The following SYN3 variants were observed in gnomAD, a reference collection of about 807,000 sequenced individuals.
The protein encoded by SYN3 is synapsin-3.
Under a neutral mutation model 65.8 loss-of-function variants are expected in SYN3, and 35 were observed. The observed-to-expected ratio is 0.53, with a 90% CI of 0.41 to 0.70. The LOEUF is 0.70. Among genes scored for constraint, SYN3 ranks in the 30% least tolerant of loss-of-function variants. The probability of loss-of-function intolerance (pLI) is 0.00; values close to 1 mark genes in which losing one functional copy is unlikely to be tolerated. For synonymous variants in SYN3, 270 were observed against 292.9 expected (o/e 0.92, Z 0.80); for missense variants, 680 against 749.0 (o/e 0.91, Z 1.08).
At chr22:33,020,774 G>A (rs762217285) in intron 1 of SYN3, among the ~76,000 whole-genome samples, 1 of 148,716 alleles carries the variant, frequency 6.7e-6, no homozygotes, top group African/African-American at 2.6e-5. Flanking sequence ...CTGGACACAG[G>A]TAGACAGAGG....
At chr22:32,706,601 GA>G (rs1326491366) in intron 6 of SYN3, among the ~76,000 whole-genome samples, 1 of 152,212 alleles carries the variant, frequency 6.6e-6, no homozygotes, top group Non-Finnish European at 1.5e-5. Flanking sequence ...CCAAGGTGTA[GA>G]AAAAGGGAGA....
intron 6 of SYN3, among the ~76,000 whole-genome samples, chr22:32,679,273 G>A (rs1001442426): frequency 2.0e-5 from 3 of 151,932 alleles, no homozygotes; most frequent in Admixed American, 1.3e-4. Flanking sequence ...GGATGGTCTC[G>A]ATCTCTTGAC....
At chr22:33,028,596 C>T (rs1227709576) in intron 1 of SYN3, among the ~76,000 whole-genome samples, 1 of 134,618 alleles carries the variant, frequency 7.4e-6, no homozygotes, top group African/African-American at 2.7e-5. Flanking sequence ...GATTAAGCAG[C>T]AAGGAGGGGC....
At chr22:32,730,550 T>A (rs1358449176) in intron 6 of SYN3, among the ~76,000 whole-genome samples, 3 of 152,314 alleles carry the variant, frequency 2.0e-5, no homozygotes, top group East Asian at 3.9e-4. Flanking sequence ...GGTCTAAGTG[T>A]TACTTAAGGT....
intron 1 of SYN3, among the ~76,000 whole-genome samples, chr22:33,025,358 G>A (rs559063237): frequency 6.6e-6 from 1 of 151,278 alleles, no homozygotes; most frequent in South Asian, 2.1e-4. Context: ...GGAGGCTGAG[G>A]CAGAAGAATC....
chr22:32,881,713 T>C (rs974495173), intron 4 of SYN3, among the ~76,000 whole-genome samples: 2 of 152,270 alleles, frequency 1.3e-5, no homozygotes, highest in East Asian at 1.9e-4. Context: ...GCTTTCTTTA[T>C]TTTATCCATT....
chr22:32,734,766 A>G (rs1000206415), intron 6 of SYN3, among the ~76,000 whole-genome samples: 6 of 152,120 alleles, frequency 3.9e-5, no homozygotes, highest in Non-Finnish European at 7.4e-5. Context: ...CTTGGGCTAA[A>G]TCCTCATGGA....
chr22:32,895,367 T>C (rs1316848923), intron 4 of SYN3, among the ~76,000 whole-genome samples: 1 of 152,244 alleles, frequency 6.6e-6, no homozygotes, highest in African/African-American at 2.4e-5. Flanking sequence ...AGCCAATTCC[T>C]TATAGTAAAT....
At chr22:32,962,991 G>GTATGTA (rs1257529441) in intron 3 of SYN3, among the ~76,000 whole-genome samples, 3 of 150,012 alleles carry the variant, frequency 2.0e-5, no homozygotes, top group Non-Finnish European at 4.4e-5. Context: ...ATTTGTATAT[G>GTATGTA]TATGTATATG....
intron 3 of SYN3, among the ~76,000 whole-genome samples, chr22:32,977,589 C>A (rs1030293191): frequency 2.0e-5 from 3 of 151,878 alleles, no homozygotes; most frequent in Admixed American, 6.6e-5. Context: ...ACTAAAAATA[C>A]AAAAATTATC....
At chr22:32,749,072 T>G (rs984117591) in intron 6 of SYN3, among the ~76,000 whole-genome samples, 1 of 152,158 alleles carries the variant, frequency 6.6e-6, no homozygotes, top group Non-Finnish European at 1.5e-5. Context: ...ACTGAGGCAC[T>G]CATAAACACA....
At chr22:32,879,179 T>G (rs1393326497) in intron 4 of SYN3, among the ~76,000 whole-genome samples, 1 of 152,250 alleles carries the variant, frequency 6.6e-6, no homozygotes, top group East Asian at 1.9e-4. Flanking sequence ...AAGATCTGCC[T>G]GAGCATCACA....
At chr22:32,995,933 G>A (rs1188906730) in intron 2 of SYN3, among the ~76,000 whole-genome samples, 1 of 152,102 alleles carries the variant, frequency 6.6e-6, no homozygotes, top group African/African-American at 2.4e-5. Flanking sequence ...TTACAGGTGT[G>A]AGCCACCGCA....
At chr22:32,973,686 A>G (rs1216452502) in intron 3 of SYN3, among the ~76,000 whole-genome samples, 4 of 152,236 alleles carry the variant, frequency 2.6e-5, no homozygotes, top group African/African-American at 9.6e-5. Flanking sequence ...GGTGATACTT[A>G]GCACAGAAAC....
In SYN3 at chr22:33,009,750, AAACACAC is replaced by A. The variant is rs1186410388; in HGVS notation, c.-162-2933_-162-2927del. On this transcript the variant is annotated intron_variant, in intron 1 of 13. Transcript: ENST00000358763. Reference sequence around the variant, plus strand: ...CATATCCTTTCATATATACGTATCTAAACACACACACACACACACACACACACACACA... The same window carrying A: ...CATATCCTTTCATATATACGTATCTAACACACACACACACACACACACACA... Among the ~76,000 whole-genome samples, 840 of 106,152 alleles carry A rather than the reference AAACACAC, an allele frequency of 7.9e-3. 7 individuals are homozygous for A. Among genetic ancestry groups the A allele is most frequent in the South Asian group, 0.041 (129 of 3,156 alleles). The allele number at this position is 106,152 out of a possible 152,430, so 69.6% of individuals were successfully genotyped here. A position where few individuals can be genotyped will look rare whatever the true frequency, so the allele number is the denominator to read the frequency against.
chr22:33,031,459 T>C (rs1291279136), intron 1 of SYN3, among the ~76,000 whole-genome samples: 1 of 152,070 alleles, frequency 6.6e-6, no homozygotes, highest in East Asian at 1.9e-4. Flanking sequence ...TGGTTATCAC[T>C]GGGAGCCAAG....
intron 6 of SYN3, among the ~76,000 whole-genome samples, chr22:32,824,752 C>T (rs1266386413): frequency 2.6e-5 from 4 of 152,136 alleles, no homozygotes; most frequent in Non-Finnish European, 5.9e-5. Context: ...GTTGTTCTTT[C>T]GCTTCTGAAC....
In SYN3 at chr22:32,980,692, A is replaced by T. The variant is rs748299655; in HGVS notation, c.322T>A (p.Phe108Ile). The change falls in exon 3 of 14, where the codon TTC becomes ATC. Residue 108 changes from phenylalanine to isoleucine, a missense_variant. Coordinates refer to ENST00000358763, the MANE Select transcript of SYN3 (RefSeq NM_003490.4). Reference sequence around the variant, plus strand: ...TCTCCATTCACCTTCTTCCCATGGAAATACTTCGACCTGTAAAGGGGAAGA... The same window carrying T: ...TCTCCATTCACCTTCTTCCCATGGATATACTTCGACCTGTAAAGGGGAAGA... ...DDAHTDWSKY[F>I]HGKKVNGEIE... is the part of the protein sequence containing the mutation. 17 of 1,613,846 alleles carry T rather than the reference A, an allele frequency of 1.1e-5. No homozygotes were observed. Among genetic ancestry groups the T allele is most frequent in the Non-Finnish European group, 1.4e-5 (17 of 1,179,916 alleles).
In SYN3 at chr22:32,903,518, G is replaced by C. The variant is rs544404515; in HGVS notation, c.461+27872C>G. Among the ~76,000 whole-genome samples, 5 of 152,310 alleles carry C rather than the reference G, an allele frequency of 3.3e-5. No individual in the cohort carries two copies. The South Asian group carries it at 1.0e-3, about 32-fold the overall frequency. On this transcript the variant is annotated intron_variant, in intron 4 of 13. Transcript: ENST00000358763. ...TGAGCAACACTAGAGCTTGTGGGTA[G>C]GGGGAGGGGGCTTGGGAAAAGAATT... is the stretch of plus-strand genomic sequence containing the variant.
Sources: allele counts gnomAD v4.1 joint callset (sites outside exome capture counted in the v4.1 genomes callset), GRCh38; gene constraint gnomAD v4.1.1; transcripts MANE v1.5; gene names NCBI Gene and HGNC (gene_info 2026-07-23, HGNC 2026-07-21).